Variants in SPIDR observed in about 807,000 individuals in gnomAD.
SPIDR encodes DNA repair-scaffolding protein.
A neutral mutation model predicts 104.6 loss-of-function variants in SPIDR; 93 were observed. That is an observed-to-expected ratio of 0.89 (90% CI 0.75 to 1.06). The LOEUF is 1.06. Ranked by LOEUF, SPIDR falls within the 50% of genes least tolerant of loss-of-function variation. The probability of loss-of-function intolerance (pLI) is 0.00; values close to 1 mark genes in which losing one functional copy is unlikely to be tolerated. For missense variants in SPIDR, 1,154 were observed against 1,111.2 expected (o/e 1.04, Z -0.55); for synonymous variants, 431 against 416.9 (o/e 1.03, Z -0.41).
intron 5 of SPIDR, among the ~76,000 whole-genome samples, chr8:47,316,658 A>G (rs1043394936): frequency 6.6e-6 from 1 of 152,220 alleles, no homozygotes; most frequent in East Asian, 1.9e-4. Flanking sequence ...AAATTGATAC[A>G]TAATGGAAGA....
At chr8:47,402,728 A>AC (rs1186649251) in intron 6 of SPIDR, among the ~76,000 whole-genome samples, 1 of 151,748 alleles carries the variant, frequency 6.6e-6, no homozygotes, top group Non-Finnish European at 1.5e-5. Context: ...ACCAACAAAA[A>AC]AAAGTCCAGG....
intron 8 of SPIDR, among the ~76,000 whole-genome samples, chr8:47,453,061 A>G (rs1445170814): frequency 2.6e-5 from 4 of 152,204 alleles, no homozygotes; most frequent in Non-Finnish European, 5.9e-5. Flanking sequence ...ATTCTTATAC[A>G]CCAATAACAG....
At chr8:47,344,724 G>C (rs1439366570) in intron 5 of SPIDR, among the ~76,000 whole-genome samples, 1 of 152,214 alleles carries the variant, frequency 6.6e-6, no homozygotes, top group Non-Finnish European at 1.5e-5. Context: ...GGCCAGTGAT[G>C]ATGAGCATTT....
At chr8:47,646,893 T>C (rs1210883166) in intron 10 of SPIDR, among the ~76,000 whole-genome samples, 1 of 152,214 alleles carries the variant, frequency 6.6e-6, no homozygotes. Context: ...TTAGACGTTA[T>C]ATATATTTTG....
chr8:47,575,986 T>TG (rs992863882), intron 8 of SPIDR, among the ~76,000 whole-genome samples: 2 of 151,436 alleles, frequency 1.3e-5, no homozygotes, highest in East Asian at 3.9e-4. Context: ...TCTTTTTTTT[T>TG]TTGTTTATCT....
intron 7 of SPIDR, among the ~76,000 whole-genome samples, chr8:47,437,028 G>C (rs1241951545): frequency 6.6e-6 from 1 of 152,110 alleles, no homozygotes; most frequent in African/African-American, 2.4e-5. Context: ...TATTTTACAA[G>C]TTATTTGGTG....
At chr8:47,584,825 C>T (rs1337298244) in intron 8 of SPIDR, among the ~76,000 whole-genome samples, 1 of 152,156 alleles carries the variant, frequency 6.6e-6, no homozygotes, top group East Asian at 1.9e-4. Context: ...AGACACTGCA[C>T]CCACCGTACC....
chr8:47,735,764 T>C lies in SPIDR; in HGVS notation c.*314T>C, dbSNP rs928861755. On this transcript the variant is annotated 3_prime_UTR_variant, in exon 20 of 20. Coordinates refer to ENST00000297423, the MANE Select transcript of SPIDR (RefSeq NM_001080394.4). The stretch of plus-strand genomic sequence containing the variant: ...ATGAGAAAAAAATTTTTTTTGTTCA[T>C]TTGTAATTTTAACAAGTTGAACATT... 1 of 531,868 alleles carries C rather than the reference T, an allele frequency of 1.9e-6. No individual in the cohort carries two copies. The highest frequency in any genetic ancestry group is 1.9e-5 in the African/African-American group (1 of 52,688). 32.9% of individuals were successfully genotyped at this position (531,868 alleles called of 1,614,324 possible). A position where few individuals can be genotyped will look rare whatever the true frequency, so the allele number is the denominator to read the frequency against.
Position 47,735,458 on chromosome 8 carries a change from C to G in SPIDR, c.*8C>G, listed in dbSNP as rs757103152. 4 of 1,613,876 alleles carry G rather than the reference C, an allele frequency of 2.5e-6. No homozygotes were observed. Among genetic ancestry groups the G allele is most frequent in the African/African-American group, 2.7e-5 (2 of 74,892 alleles). On this transcript the variant is annotated 3_prime_UTR_variant, in exon 20 of 20. Transcript: ENST00000297423. ...GCCTCTGCAGAACACTAGCGGTTGC[C>G]GCAGGATCTGTGAACTTTGCAATGT...
rs2065081201 is a variant in SPIDR at position 47,621,028 on chromosome 8, C to T, written c.1544+21832C>T. Among the ~76,000 whole-genome samples, 5 of 152,120 alleles carry T rather than the reference C, an allele frequency of 3.3e-5. No homozygotes were observed. In the South Asian group the frequency reaches 1.0e-3, roughly 32 times the overall value. ...CTGGAGTGCAGTGGCACAATCTCAGCTCACTGCAGTCTCCGCCTCCTGGGT... is the reference window on the plus strand; with the variant it reads ...CTGGAGTGCAGTGGCACAATCTCAGTTCACTGCAGTCTCCGCCTCCTGGGT... On this transcript the variant is annotated intron_variant, in intron 10 of 19. Coordinates refer to ENST00000297423, the MANE Select transcript of SPIDR (RefSeq NM_001080394.4).
At chr8:47,338,120 T>C (rs2050104767) in intron 5 of SPIDR, among the ~76,000 whole-genome samples, 1 of 152,228 alleles carries the variant, frequency 6.6e-6, no homozygotes, top group South Asian at 2.1e-4. Flanking sequence ...TGTACTCTTA[T>C]CCCCAGCCTG....
intron 8 of SPIDR, among the ~76,000 whole-genome samples, chr8:47,450,658 A>T (rs1397631071): frequency 2.0e-5 from 3 of 152,238 alleles, no homozygotes; most frequent in African/African-American, 7.2e-5. Flanking sequence ...ACATTTGAAC[A>T]AAATATTAGC....
chr8:47,446,365 A>C (rs1394363092), intron 8 of SPIDR, among the ~76,000 whole-genome samples: 6 of 152,192 alleles, frequency 3.9e-5, no homozygotes, highest in Non-Finnish European at 7.3e-5. Flanking sequence ...TGAATACTTT[A>C]AGCCAAACTT....
At chr8:47,471,323 G>C (rs1186100868) in intron 8 of SPIDR, among the ~76,000 whole-genome samples, 2 of 97,096 alleles carry the variant, frequency 2.1e-5, no homozygotes, top group Non-Finnish European at 4.9e-5. Context: ...ATAATTCAAT[G>C]TCAAAAAAAA....
intron 1 of SPIDR, among the ~76,000 whole-genome samples, chr8:47,265,738 C>G (rs547124692): frequency 5.5e-4 from 83 of 152,204 alleles, no homozygotes; most frequent in South Asian, 1.0e-3. Flanking sequence ...AATTCACAGA[C>G]AATTGTGAGT....
intron 19 of SPIDR, among the ~76,000 whole-genome samples, chr8:47,731,256 A>G (rs1392275094): frequency 6.8e-6 from 1 of 147,354 alleles, no homozygotes; most frequent in Non-Finnish European, 1.5e-5. Flanking sequence ...CCGTCTCAGA[A>G]AAAAAAAAAA....
chr8:47,667,440 GAA>G (rs528607871), intron 10 of SPIDR, among the ~76,000 whole-genome samples: 18 of 52,628 alleles, frequency 3.4e-4, no homozygotes, highest in African/African-American at 6.7e-4. Flanking sequence ...CTTCAAAAGG[GAA>G]AAAAAAAAAA....
chr8:47,606,723 G>T (rs2154429001), intron 10 of SPIDR, among the ~76,000 whole-genome samples: 1 of 152,240 alleles, frequency 6.6e-6, no homozygotes, highest in South Asian at 2.1e-4. Flanking sequence ...TTGAAAAGCT[G>T]GTCAGCTGTG....
At chr8:47,634,237 G>A (rs747100491) in intron 10 of SPIDR, among the ~76,000 whole-genome samples, 9 of 152,080 alleles carry the variant, frequency 5.9e-5, no homozygotes, top group Non-Finnish European at 1.2e-4. Context: ...GATGGATCAC[G>A]AGGTCAGAGT....
Sources: gnomAD v4.1 joint callset for allele counts (sites outside exome capture counted in the v4.1 genomes callset) on GRCh38, gnomAD v4.1.1 for gene constraint, MANE v1.5 for transcripts, NCBI Gene and HGNC (gene_info 2026-07-23, HGNC 2026-07-21) for gene names.